The following TMOD1 variants were observed in gnomAD, a reference collection of about 807,000 sequenced individuals.
The protein encoded by TMOD1 is tropomodulin 1.
A neutral mutation model predicts 40.6 loss-of-function variants in TMOD1; 17 were observed. That is an observed-to-expected ratio of 0.42 (90% CI 0.29 to 0.63). The LOEUF (loss-of-function observed/expected upper bound fraction) is 0.63, where lower values mean the gene tolerates loss of function less well. Among genes scored for constraint, TMOD1 ranks in the 20% least tolerant of loss-of-function variants. TMOD1 has a pLI of 0.22. For missense variants in TMOD1, 391 were observed against 447.6 expected (o/e 0.87, Z 1.14); for synonymous variants, 181 against 175.0 (o/e 1.03, Z -0.27).
intron 8 of TMOD1, among the ~76,000 whole-genome samples, chr9:97,571,298 C>A (rs1480529131): frequency 6.6e-6 from 1 of 152,214 alleles, no homozygotes; most frequent in East Asian, 1.9e-4. Context: ...CACACACTAT[C>A]CCCCCAGAGT....
Position 97,601,631 on chromosome 9 carries a change from A to C in TMOD1, c.*1933A>C. Reference sequence around the variant, plus strand: ...TTCTGTAAAAGGCCAGACAGTAAAAATTTCCGATTTTGCAGGCCACATAGT... The same window carrying C: ...TTCTGTAAAAGGCCAGACAGTAAAACTTTCCGATTTTGCAGGCCACATAGT... On this transcript the variant is annotated 3_prime_UTR_variant, in exon 10 of 10. Coordinates refer to ENST00000259365, the MANE Select transcript of TMOD1 (RefSeq NM_003275.4). The C allele has an allele frequency of 1.0e-6, 1 of 983,754 alleles. No homozygotes were observed. Among genetic ancestry groups the C allele is most frequent in the Non-Finnish European group, 1.2e-6 (1 of 827,964 alleles). The allele number at this position is 983,754 out of a possible 1,614,324, so 60.9% of individuals were successfully genotyped here.
intron 1 of TMOD1, among the ~76,000 whole-genome samples, chr9:97,506,967 T>A (rs537030563): frequency 6.6e-6 from 1 of 152,332 alleles, no homozygotes; most frequent in African/African-American, 2.4e-5. Context: ...AACTTAATAA[T>A]TCCTAATAAG....
chr9:97,521,098 C>T (rs1298224210), intron 1 of TMOD1, among the ~76,000 whole-genome samples: 1 of 152,194 alleles, frequency 6.6e-6, no homozygotes, highest in Non-Finnish European at 1.5e-5. Context: ...CCCAGCTGGT[C>T]CTGTCCTTGT....
intron 8 of TMOD1, among the ~76,000 whole-genome samples, chr9:97,583,061 G>T (rs1000246911): frequency 1.4e-4 from 21 of 148,334 alleles, no homozygotes; most frequent in Admixed American, 2.7e-4. Flanking sequence ...GTGAGAGAGG[G>T]CATCCCTGTC....
intron 3 of TMOD1, 26 bp from the exon 4 acceptor site, chr9:97,553,255 G>T (rs370660800): frequency 6.2e-6 from 10 of 1,613,280 alleles, no homozygotes; most frequent in African/African-American, 5.3e-5. Flanking sequence ...AGCCACTCCC[G>T]TAACAGGTCC....
In TMOD1 at chr9:97,575,402, C is replaced by T. The variant is rs540680478; in HGVS notation, c.870+6365C>T. ...AACTATAACACTCACCTCGAGGGTC[C>T]GCGGCTTCATTCTTGCAGTCAGTGA... is the stretch of plus-strand genomic sequence containing the variant. On this transcript the variant is annotated intron_variant, in intron 8 of 9. Coordinates refer to ENST00000259365, the MANE Select transcript of TMOD1 (RefSeq NM_003275.4). Among the ~76,000 whole-genome samples, 10 of 152,314 alleles carry T rather than the reference C, an allele frequency of 6.6e-5. No individual in the cohort carries two copies. In the South Asian group the frequency reaches 2.1e-3, roughly 32 times the overall value.
At chr9:97,568,021 T>A (rs79479027) in intron 7 of TMOD1, among the ~76,000 whole-genome samples, 3 of 150,918 alleles carry the variant, frequency 2.0e-5, no homozygotes, top group Non-Finnish European at 4.4e-5. Flanking sequence ...CTACACCCCC[T>A]GGCTGAGTTC....
At chr9:97,578,256 T>C (rs1825656084) in intron 8 of TMOD1, among the ~76,000 whole-genome samples, 1 of 152,190 alleles carries the variant, frequency 6.6e-6, no homozygotes, top group African/African-American at 2.4e-5. Context: ...GGGTTTACCA[T>C]GTTGGCCAGG....
At chr9:97,598,849 C>G (rs905325583) in intron 9 of TMOD1, among the ~76,000 whole-genome samples, 6 of 152,210 alleles carry the variant, frequency 3.9e-5, no homozygotes, top group African/African-American at 1.4e-4. Context: ...TCTGCCAACA[C>G]CAGCAGGCCT....
rs183142000 is a variant in TMOD1 at position 97,577,001 on chromosome 9, T to C, written c.870+7964T>C. 2.0e-5 allele frequency among the ~76,000 whole-genome samples: 3 copies of C among 152,288 alleles called. No homozygotes were observed. In the East Asian group the frequency reaches 5.8e-4, roughly 29 times the overall value. ...AATAAATCGGGTGAGGGAGACTCTTTCCTTTTACTCAATCTGTGTTAATAT... is the reference window on the plus strand; with the variant it reads ...AATAAATCGGGTGAGGGAGACTCTTCCCTTTTACTCAATCTGTGTTAATAT... On this transcript the variant is annotated intron_variant, in intron 8 of 9. Coordinates refer to ENST00000259365, the MANE Select transcript of TMOD1 (RefSeq NM_003275.4).
chr9:97,544,600 T>G (rs955486421), intron 2 of TMOD1, among the ~76,000 whole-genome samples: 4 of 152,014 alleles, frequency 2.6e-5, no homozygotes, highest in African/African-American at 9.7e-5. Flanking sequence ...CCAAGCTGTA[T>G]CCCTCTATGT....
chr9:97,592,278 G>T (rs1324565098), intron 9 of TMOD1, among the ~76,000 whole-genome samples: 1 of 151,948 alleles, frequency 6.6e-6, no homozygotes, highest in East Asian at 1.9e-4. Flanking sequence ...GAAAACAAGA[G>T]GGGGAAAAAA....
chr9:97,515,528 C>A (rs1829791371), intron 1 of TMOD1, among the ~76,000 whole-genome samples: 1 of 152,206 alleles, frequency 6.6e-6, no homozygotes, highest in South Asian at 2.1e-4. Context: ...AATCCATCCA[C>A]CTCAGCCTCC....
chr9:97,546,296 T>A lies in TMOD1; in HGVS notation c.232T>A (p.Phe78Ile). Residue 78 changes from phenylalanine to isoleucine, a missense_variant, in exon 3 of 10, where the codon TTT becomes ATT. Transcript: ENST00000259365. The part of the protein sequence containing the change: ...LDHLEKQAKE[F>I]KDREDLVPYT... ...TCACTTGGAAAAGCAAGCAAAGGAG[T>A]TTAAGGACCGAGAAGATCTGGTCCC... 1 of 1,613,636 alleles carries A rather than the reference T, an allele frequency of 6.2e-7. No homozygotes were observed. The highest frequency in any genetic ancestry group is 8.5e-7 in the Non-Finnish European group (1 of 1,179,896).
At chr9:97,504,291 C>A (rs967130437) in intron 1 of TMOD1, among the ~76,000 whole-genome samples, 5 of 152,108 alleles carry the variant, frequency 3.3e-5, no homozygotes, top group African/African-American at 7.2e-5. Flanking sequence ...AAGGCAGGAG[C>A]TAACAGGAGC....
In TMOD1 at chr9:97,563,936, G is replaced by A. The variant is rs79641290; in HGVS notation, c.488-102G>A. 3,955 of 1,167,286 alleles carry A rather than the reference G, an allele frequency of 3.4e-3. 14 individuals carry two copies. The highest frequency in any genetic ancestry group is 4.3e-3 in the Non-Finnish European group (3,677 of 856,628). The allele number at this position is 1,167,286 out of a possible 1,614,324, so 72.3% of individuals were successfully genotyped here. ...AGCCCCTGTGATGTGCAGCCCTCACGTGCCCCAACCCTGCACATGCTCCCT... is the reference window on the plus strand; with the variant it reads ...AGCCCCTGTGATGTGCAGCCCTCACATGCCCCAACCCTGCACATGCTCCCT... On this transcript the variant is annotated intron_variant, in intron 5 of 9. Transcript: ENST00000259365.
At chr9:97,525,899 C>T (rs1160721713) in intron 2 of TMOD1, among the ~76,000 whole-genome samples, 1 of 152,202 alleles carries the variant, frequency 6.6e-6, no homozygotes, top group African/African-American at 2.4e-5. Flanking sequence ...TCTAGGCCAG[C>T]AGACCACAGG....
At chr9:97,529,538 A>G (rs1433921600) in intron 2 of TMOD1, among the ~76,000 whole-genome samples, 4 of 151,928 alleles carry the variant, frequency 2.6e-5, no homozygotes, top group African/African-American at 9.7e-5. Context: ...GCACGTTAAA[A>G]AAAAAAAAAA....
intron 2 of TMOD1, among the ~76,000 whole-genome samples, chr9:97,527,651 G>T (rs1296052018): frequency 6.6e-6 from 1 of 152,210 alleles, no homozygotes; most frequent in Non-Finnish European, 1.5e-5. Context: ...CGCGGGGGAA[G>T]AGGGGGCGGC....
Sources: allele counts gnomAD v4.1 joint callset (sites outside exome capture counted in the v4.1 genomes callset), GRCh38; gene constraint gnomAD v4.1.1; transcripts MANE v1.5; gene names NCBI Gene and HGNC (gene_info 2026-07-23, HGNC 2026-07-21).